DOCK3: variants seen among roughly 807,000 people sequenced by gnomAD.
DOCK3 encodes the protein dedicator of cytokinesis protein 3.
A neutral mutation model predicts 265.6 loss-of-function variants in DOCK3; 60 were observed. The observed-to-expected ratio is 0.23, with a 90% CI of 0.18 to 0.28. The LOEUF (loss-of-function observed/expected upper bound fraction) is 0.28. Ranked by LOEUF, DOCK3 falls within the 10% of genes least tolerant of loss-of-function variation. DOCK3 has a pLI of 1.00. For synonymous variants in DOCK3, 881 were observed against 938.0 expected, an observed-to-expected ratio of 0.94 and a Z score of 1.11; for missense variants, 1,981 against 2,594.3, an observed-to-expected ratio of 0.76 and a Z score of 5.14.
intron 9 of DOCK3, among the ~76,000 whole-genome samples, chr3:51,115,897 G>A (rs1242764745): frequency 6.6e-6 from 1 of 152,136 alleles, no homozygotes; most frequent in Non-Finnish European, 1.5e-5. Flanking sequence ...TTATTAAATA[G>A]GGAATCCTTT....
intron 5 of DOCK3, among the ~76,000 whole-genome samples, chr3:50,973,049 C>CTTTTTTTTTTTTTTTTTT (rs71858027): frequency 5.3e-5 from 1 of 19,022 alleles, no homozygotes; most frequent in African/African-American, 2.2e-4. Flanking sequence ...CAGTGTGTTT[C>CTTTTTTTTTTTTTTTTTT]TTTTTTTTTT....
At chr3:51,133,786 TCAGG>T (rs374562145) in intron 9 of DOCK3, among the ~76,000 whole-genome samples, 118 of 141,878 alleles carry the variant, frequency 8.3e-4, no homozygotes, top group African/African-American at 2.7e-3. Context: ...TAGAGTTGGG[TCAGG>T]CTGAATTTAT....
intron 4 of DOCK3, among the ~76,000 whole-genome samples, chr3:50,912,203 A>ATCATGAT (rs2049891960): frequency 6.6e-6 from 1 of 152,046 alleles, no homozygotes; most frequent in Non-Finnish European, 1.5e-5. Flanking sequence ...ATCATGAGGT[A>ATCATGAT]CCACCTTGAT....
At chr3:50,781,673 A>G (rs998478810) in intron 2 of DOCK3, among the ~76,000 whole-genome samples, 14 of 152,012 alleles carry the variant, frequency 9.2e-5, no homozygotes, top group South Asian at 2.1e-4. Flanking sequence ...CACATTTGTT[A>G]TATTGGTAAA....
rs112291760 is a variant in DOCK3 at position 50,830,404 on chromosome 3, GC to G, written c.122-11270del. ...TCTTCTACCTGTCTCTACTTCCTGT[GC>G]AGCTATTAGCCAGGTATTGGGTATA... On this transcript the variant is annotated intron_variant, in intron 2 of 52. Coordinates refer to ENST00000266037, the MANE Select transcript of DOCK3 (RefSeq NM_004947.5). Among the ~76,000 whole-genome samples the G allele has an allele frequency of 3.5e-3, 527 of 152,174 alleles. 4 individuals are homozygous for G. Among genetic ancestry groups the G allele is most frequent in the African/African-American group, 0.012 (508 of 41,562 alleles).
Position 50,903,771 on chromosome 3 carries a change from A to AT in DOCK3, c.218+13699dup, listed in dbSNP as rs1001082137. The stretch of plus-strand genomic sequence containing the variant: ...GCTCTTTTTTTTTATTTAAATGTGT[A>AT]TTTTTTTTTATACTTTAAGTTCTAG... On this transcript the variant is annotated intron_variant, in intron 4 of 52. Transcript: ENST00000266037. Among the ~76,000 whole-genome samples, 29 of 150,124 alleles carry AT rather than the reference A, an allele frequency of 1.9e-4. No individual in the cohort carries two copies. The South Asian group carries it at 2.3e-3, about 12-fold the overall frequency.
chr3:51,254,121 T>C (rs1444989039), intron 22 of DOCK3, among the ~76,000 whole-genome samples: 10 of 152,236 alleles, frequency 6.6e-5, no homozygotes, highest in Admixed American at 6.5e-4. Context: ...CATTTTGTTA[T>C]GTACCCAGTA....
At chr3:50,915,045 C>G (rs1482351968) in intron 4 of DOCK3, among the ~76,000 whole-genome samples, 3 of 152,066 alleles carry the variant, frequency 2.0e-5, no homozygotes, top group Non-Finnish European at 2.9e-5. Context: ...AGATTGCCCA[C>G]ACAGCCAAGA....
intron 26 of DOCK3, 22 bp from the exon 27 acceptor site, chr3:51,280,084 G>GT: frequency 6.2e-7 from 1 of 1,609,110 alleles, no homozygotes. Flanking sequence ...CATGCTAAGT[G>GT]TTTTTTTGGG....
At chr3:51,076,278 A>G (rs1560027279) in intron 7 of DOCK3, among the ~76,000 whole-genome samples, 1 of 152,174 alleles carries the variant, frequency 6.6e-6, no homozygotes, top group Non-Finnish European at 1.5e-5. Flanking sequence ...TATGCAGTAC[A>G]ATAGGTTGAT....
intron 2 of DOCK3, among the ~76,000 whole-genome samples, chr3:50,832,469 A>G (rs1358494187): frequency 6.6e-6 from 1 of 152,202 alleles, no homozygotes; most frequent in East Asian, 1.9e-4. Context: ...TTCATCTGAC[A>G]AAGGTCTAAT....
intron 5 of DOCK3, among the ~76,000 whole-genome samples, chr3:50,973,300 C>A (rs1280512789): frequency 1.4e-5 from 2 of 142,884 alleles, no homozygotes; most frequent in Non-Finnish European, 3.0e-5. Context: ...CCCCCCACCC[C>A]AAAACAGTCC....
At chr3:51,186,148 C>G (rs2087586698) in intron 12 of DOCK3, among the ~76,000 whole-genome samples, 1 of 152,096 alleles carries the variant, frequency 6.6e-6, no homozygotes, top group Non-Finnish European at 1.5e-5. Flanking sequence ...TGGCTGTGCT[C>G]AAAATGCTGA....
intron 12 of DOCK3, among the ~76,000 whole-genome samples, chr3:51,197,324 T>TAGTGGCAG (rs756702982): frequency 9.9e-5 from 15 of 152,154 alleles, no homozygotes; most frequent in Non-Finnish European, 1.5e-4. Flanking sequence ...TAGATGCTGG[T>TAGTGGCAG]AGTGGCAGTG....
chr3:50,715,304 A>G (rs2037033590), intron 1 of DOCK3, among the ~76,000 whole-genome samples: 1 of 152,200 alleles, frequency 6.6e-6, no homozygotes, highest in Admixed American at 6.5e-5. Context: ...TAATCCCGGT[A>G]CTTTGGGAGA....
At chr3:51,296,947 G>A (rs561111203) in intron 27 of DOCK3, among the ~76,000 whole-genome samples, 9 of 151,454 alleles carry the variant, frequency 5.9e-5, no homozygotes, top group East Asian at 2.0e-4. Flanking sequence ...GGGGAAACCC[G>A]TCTTTACTAA....
intron 12 of DOCK3, among the ~76,000 whole-genome samples, chr3:51,185,520 T>C (rs1296122861): frequency 6.6e-6 from 1 of 152,200 alleles, no homozygotes; most frequent in Non-Finnish European, 1.5e-5. Context: ...GTTTCCATTG[T>C]ATATTTTGAG....
At chr3:50,854,322 T>G (rs1318376382) in intron 3 of DOCK3, among the ~76,000 whole-genome samples, 1 of 152,090 alleles carries the variant, frequency 6.6e-6, no homozygotes, top group Non-Finnish European at 1.5e-5. Flanking sequence ...CCCATTTGTC[T>G]ATTTTTGTTT....
chr3:50,969,034 G>T (rs900229584), intron 5 of DOCK3, among the ~76,000 whole-genome samples: 12 of 152,098 alleles, frequency 7.9e-5, no homozygotes, highest in Admixed American at 2.6e-4. Flanking sequence ...GGATTTCTTT[G>T]TTGATTTCAG....
Sources: gnomAD v4.1 joint callset for allele counts (sites outside exome capture counted in the v4.1 genomes callset) on GRCh38, gnomAD v4.1.1 for gene constraint, MANE v1.5 for transcripts, NCBI Gene and HGNC (gene_info 2026-07-23, HGNC 2026-07-21) for gene names.